The following GRM8 variants were observed in gnomAD, a reference collection of about 807,000 sequenced individuals.
GRM8 encodes the protein glutamate metabotropic receptor 8.
GRM8 carries 47 observed loss-of-function variants against 87.2 expected under a neutral mutation model. That is an observed-to-expected ratio of 0.54 (90% CI 0.43 to 0.69). The LOEUF (loss-of-function observed/expected upper bound fraction) is 0.69, where lower values mean the gene tolerates loss of function less well. Among genes scored for constraint, GRM8 ranks in the 30% least tolerant of loss-of-function variants. The pLI is 0.00. For synonymous variants in GRM8, 396 were observed against 404.5 expected (o/e 0.98, Z 0.25); for missense variants, 1,019 against 1,139.2 (o/e 0.89, Z 1.52).
intron 2 of GRM8, among the ~76,000 whole-genome samples, chr7:127,203,533 C>T (rs967449180): frequency 1.3e-5 from 2 of 152,020 alleles, no homozygotes; most frequent in African/African-American, 4.8e-5. Flanking sequence ...CATGGTGAAA[C>T]CCTGTCTACA....
chr7:126,846,225 C>A (rs1047711625), intron 6 of GRM8, among the ~76,000 whole-genome samples: 3 of 152,064 alleles, frequency 2.0e-5, no homozygotes, highest in Non-Finnish European at 4.4e-5. Flanking sequence ...CTTTGGAAAT[C>A]TACTGTTAAA....
At chr7:126,690,540 T>A (rs1376788680) in intron 7 of GRM8, among the ~76,000 whole-genome samples, 3 of 152,150 alleles carry the variant, frequency 2.0e-5, no homozygotes, top group African/African-American at 7.2e-5. Context: ...CTCAGGGAGT[T>A]CCTTGGTCTG....
At chr7:126,713,432 A>C (rs987259253) in intron 7 of GRM8, among the ~76,000 whole-genome samples, 3 of 152,070 alleles carry the variant, frequency 2.0e-5, no homozygotes, top group African/African-American at 7.2e-5. Flanking sequence ...AACATTACAC[A>C]CCAGGCCTGT....
chr7:127,113,765 C>CA (rs35217622), intron 2 of GRM8, among the ~76,000 whole-genome samples: 9 of 150,910 alleles, frequency 6.0e-5, no homozygotes, highest in Non-Finnish European at 1.0e-4. Context: ...AAACTCAGGT[C>CA]AAAAAAAAGC....
chr7:127,074,861 T>G (rs1448939918), intron 3 of GRM8, among the ~76,000 whole-genome samples: 3 of 152,192 alleles, frequency 2.0e-5, no homozygotes, highest in Non-Finnish European at 4.4e-5. Flanking sequence ...AGTCAAGCCC[T>G]GCCTAGGGCT....
chr7:126,753,235 G>C (rs534938416), intron 7 of GRM8, among the ~76,000 whole-genome samples: 10 of 152,048 alleles, frequency 6.6e-5, no homozygotes, highest in African/African-American at 2.4e-4. Flanking sequence ...TTAAGTGGTA[G>C]AGCCAGGATT....
chr7:126,509,122 T>C (rs1426744784), intron 9 of GRM8, among the ~76,000 whole-genome samples: 6 of 152,080 alleles, frequency 3.9e-5, no homozygotes, highest in Admixed American at 3.9e-4. Context: ...GAAAAGCATA[T>C]TGGAACTCTG....
chr7:126,887,524 A>G (rs1800611506), intron 6 of GRM8, among the ~76,000 whole-genome samples: 1 of 152,010 alleles, frequency 6.6e-6, no homozygotes, highest in Non-Finnish European at 1.5e-5. Context: ...CCCCTTTTTG[A>G]CAAATCTTAC....
At chr7:127,231,131 G>A (rs769638052) in intron 2 of GRM8, among the ~76,000 whole-genome samples, 23 of 152,148 alleles carry the variant, frequency 1.5e-4, no homozygotes, top group Non-Finnish European at 2.9e-5. Flanking sequence ...ATGCTGCATA[G>A]ACCTGTTGGT....
At chr7:126,891,398 T>C (rs535789805) in intron 6 of GRM8, among the ~76,000 whole-genome samples, 3 of 152,090 alleles carry the variant, frequency 2.0e-5, no homozygotes, top group African/African-American at 7.2e-5. Flanking sequence ...ATAATCTTTC[T>C]AAGATGGTGA....
At chr7:126,664,831 T>C (rs548168922) in intron 7 of GRM8, among the ~76,000 whole-genome samples, 134 of 152,114 alleles carry the variant, frequency 8.8e-4, no homozygotes, top group African/African-American at 3.2e-3. Flanking sequence ...AACTGCAAAC[T>C]ACAGAATGGG....
intron 3 of GRM8, among the ~76,000 whole-genome samples, chr7:126,934,961 C>T (rs1442439967): frequency 2.0e-5 from 3 of 152,054 alleles, no homozygotes; most frequent in Non-Finnish European, 2.9e-5. Flanking sequence ...TTAGATCATT[C>T]GTTTATTTAA....
intron 8 of GRM8, among the ~76,000 whole-genome samples, chr7:126,588,722 C>T (rs115802204): frequency 2.0e-5 from 3 of 151,992 alleles, no homozygotes; most frequent in Admixed American, 6.6e-5. Context: ...AGGAACATAC[C>T]AGGAAAGCCA....
chr7:126,601,376 A>G (rs1351509490), intron 8 of GRM8, among the ~76,000 whole-genome samples: 1 of 152,044 alleles, frequency 6.6e-6, no homozygotes, highest in Non-Finnish European at 1.5e-5. Context: ...ATGGTGAATA[A>G]TGCCGCAATA....
intron 7 of GRM8, among the ~76,000 whole-genome samples, chr7:126,618,458 T>C (rs1227275361): frequency 1.3e-5 from 2 of 152,196 alleles, no homozygotes; most frequent in Non-Finnish European, 2.9e-5. Flanking sequence ...ATTCACGACA[T>C]AGGCATGGGC....
At chr7:126,754,921 A>G (rs139441237) in intron 7 of GRM8, among the ~76,000 whole-genome samples, 1 of 151,396 alleles carries the variant, frequency 6.6e-6, no homozygotes, top group East Asian at 1.9e-4. Context: ...TATCATGCTC[A>G]AAAGCCAAAA....
At chr7:126,507,380 T>C (rs989271712) in intron 9 of GRM8, among the ~76,000 whole-genome samples, 1 of 152,112 alleles carries the variant, frequency 6.6e-6, no homozygotes, top group Admixed American at 6.6e-5. Context: ...GCACGTCTTA[T>C]GGTGTCAGTG....
chr7:127,111,586 C>A (rs924410120), intron 2 of GRM8, among the ~76,000 whole-genome samples: 2 of 152,186 alleles, frequency 1.3e-5, no homozygotes, highest in Non-Finnish European at 1.5e-5. Flanking sequence ...AGGCTATGAC[C>A]TAGCAATGGT....
intron 8 of GRM8, among the ~76,000 whole-genome samples, chr7:126,543,290 C>T (rs564445505): frequency 2.2e-4 from 34 of 152,132 alleles, no homozygotes; most frequent in Admixed American, 1.1e-3. Context: ...GCATATTTCT[C>T]GTTCTTAGAG....
Sources: allele counts gnomAD v4.1 joint callset (sites outside exome capture counted in the v4.1 genomes callset), GRCh38; gene constraint gnomAD v4.1.1; transcripts MANE v1.5; gene names NCBI Gene and HGNC (gene_info 2026-07-23, HGNC 2026-07-21).